The following QSOX1 variants were observed in gnomAD, a reference collection of about 807,000 sequenced individuals.
QSOX1 encodes the protein quiescin sulfhydryl oxidase 1, also known as sulfhydryl oxidase 1.
QSOX1 carries 40 observed loss-of-function variants against 76.1 expected under a neutral mutation model. The ratio of observed to expected loss-of-function variants is 0.53; its 90% CI spans 0.41 to 0.68. QSOX1 has a LOEUF of 0.68. Among genes scored for constraint, QSOX1 ranks in the 30% least tolerant of loss-of-function variants. The pLI is 0.00. For synonymous variants in QSOX1, 392 were observed against 413.1 expected, an observed-to-expected ratio of 0.95 and a Z score of 0.62; for missense variants, 931 against 974.3, an observed-to-expected ratio of 0.96 and a Z score of 0.59.
intron 1 of QSOX1, among the ~76,000 whole-genome samples, chr1:180,160,652 G>C (rs116049718): frequency 6.6e-6 from 1 of 152,280 alleles, no homozygotes; most frequent in African/African-American, 2.4e-5. Context: ...TGTAATCAAG[G>C]ATAAAGTGGA....
chr1:180,186,164 T>G lies in QSOX1; in HGVS notation c.999T>G (p.Phe333Leu), dbSNP rs770468962. ...EGQRLVALKK[F>L]VAVLAKYFPG... ...AGCGCCTGGTGGCCCTGAAAAAGTT[T>G]GTGGCAGTGCTGGCCAAGGTGAGCA... Residue 333 changes from phenylalanine (F) to leucine (L), a missense_variant, in exon 8 of 12, where the codon TTT (phenylalanine) becomes TTG (leucine). By Grantham distance (22) the Phe-to-Leu change is conservative (BLOSUM62 0). Transcript: ENST00000367602. 6.2e-7 allele frequency: 1 copy of G among 1,613,586 alleles called. No homozygotes were observed. Among genetic ancestry groups the G allele is most frequent in the African/African-American group, 1.3e-5 (1 of 74,930 alleles).
At position 180,196,456 on chromosome 1, in the gene QSOX1, G is replaced by A. The variant is rs1372325126; in HGVS notation, c.1663G>A (p.Val555Met). ...PAAGSAARRDVQNVAAAPELA... is the reference protein window; with the variant it reads ...PAAGSAARRDMQNVAAAPELA... Reference sequence around the variant, plus strand: ...AGCTGGGTCAGCTGCCCGGAGGGATGTGCAGAATGTGGCAGCCGCCCCAGA... The same window carrying A: ...AGCTGGGTCAGCTGCCCGGAGGGATATGCAGAATGTGGCAGCCGCCCCAGA... Residue 555 changes from valine (V) to methionine (M), a missense_variant, in exon 12 of 12, where the codon GTG (valine) becomes ATG (methionine). Physicochemically the swap from Val to Met is conservative, Grantham distance 21. Transcript: ENST00000367602. The surrounding 1 kb of genome is among the most constrained non-coding windows in gnomAD (Gnocchi z 4.1). 3.1e-6 allele frequency: 5 copies of A among 1,613,964 alleles called. No homozygotes were observed. The East Asian group carries it at 6.7e-5, about 22-fold the overall frequency.
rs1035407004 is a variant in QSOX1, at chr1:180,154,974, G to C, written c.67G>C (p.Ala23Pro). 5.3e-6 allele frequency: 8 copies of C among 1,505,828 alleles called. No individual in the cohort carries two copies. The Admixed American group carries it at 1.7e-4, about 31-fold the overall frequency. The allele number at this position is 1,505,828 out of a possible 1,614,324, so 93.3% of individuals were successfully genotyped here. Residue 23 changes from alanine to proline, a missense_variant, in exon 1 of 12, where the codon GCG (alanine) becomes CCG (proline). Physicochemically the swap from Ala to Pro is conservative, Grantham distance 27. Coordinates refer to ENST00000367602, the MANE Select transcript of QSOX1 (RefSeq NM_002826.5). The stretch of plus-strand genomic sequence containing the variant: ...GCTGCTGCTGCTGCTGTGGCTGCTC[G>C]CGGTTCCCGGCGCTAACGCGGCCCC... ...SLLLLLLWLL[A>P]VPGANAAPRS...
chr1:180,183,107 G>A (rs3767181), intron 6 of QSOX1, among the ~76,000 whole-genome samples: 9,707 of 152,186 alleles, frequency 0.064, 408 homozygotes, highest in East Asian at 0.16. Flanking sequence ...GGGGAGAGAA[G>A]GCATTGTCTC....
chr1:180,186,184 T>G lies in QSOX1; in HGVS notation c.1017+2T>G, dbSNP rs1572051359. On this transcript the variant is annotated splice_donor_variant, in intron 8 of 11. Coordinates refer to ENST00000367602, the MANE Select transcript of QSOX1 (RefSeq NM_002826.5). LOFTEE classifies it high-confidence loss of function. ...AAGTTTGTGGCAGTGCTGGCCAAGG[T>G]GAGCAGGGCCATGGCTTCCCTTGTC... 1 of 1,611,468 alleles carries G rather than the reference T, an allele frequency of 6.2e-7. No homozygotes were observed. The highest frequency in any genetic ancestry group is 8.5e-7 in the Non-Finnish European group (1 of 1,178,808).
chr1:180,159,962 A>T (rs1246457060), intron 1 of QSOX1, among the ~76,000 whole-genome samples: 2 of 152,214 alleles, frequency 1.3e-5, no homozygotes, highest in Admixed American at 6.5e-5. Flanking sequence ...TTCGGTCTTA[A>T]CACATCATTT....
Position 180,190,543 on chromosome 1 carries a change from G to A in QSOX1, c.1251G>A (p.Gln417=), listed in dbSNP as rs1233580881. ...TCCTCTTCCACTTCTTGACTGTGCA[G>A]GCAGCTCGGCAAAATGTAGACCACT... ...LWVLFHFLTV[Q]AARQNVDHSQ... The change falls in exon 10 of 12, where the codon CAG becomes CAA. Residue 417 remains glutamine, a synonymous_variant. Transcript: ENST00000367602. The A allele has an allele frequency of 1.2e-6, 2 of 1,614,162 alleles. No homozygotes were observed. Among genetic ancestry groups the A allele is most frequent in the Non-Finnish European group, 1.7e-6 (2 of 1,180,018 alleles).
intron 4 of QSOX1, among the ~76,000 whole-genome samples, chr1:180,177,973 C>T (rs755983889): frequency 5.3e-5 from 8 of 152,226 alleles, no homozygotes; most frequent in Non-Finnish European, 1.2e-4. Context: ...CTAAGGTCTC[C>T]TGAACCCAAG....
rs746900597 is a variant in QSOX1 at position 180,197,287 on chromosome 1, G to A, written c.*250G>A. ...GGGCAGCCCCGGGCAGTGGGCATAG[G>A]GCAGCTCAGTCCCTGGCCTCTTAGC... On this transcript the variant is annotated 3_prime_UTR_variant, in exon 12 of 12. Coordinates refer to ENST00000367602, the MANE Select transcript of QSOX1 (RefSeq NM_002826.5). The A allele has an allele frequency of 6.2e-7, 1 of 1,613,606 alleles. No individual in the cohort carries two copies. Among genetic ancestry groups the A allele is most frequent in the Non-Finnish European group, 8.5e-7 (1 of 1,179,984 alleles).
intron 2 of QSOX1, among the ~76,000 whole-genome samples, chr1:180,174,471 A>T (rs1207135833): frequency 6.6e-6 from 1 of 152,202 alleles, no homozygotes; most frequent in Non-Finnish European, 1.5e-5. Context: ...CCCTTCCTTG[A>T]CTGTGTCTGC....
intron 7 of QSOX1, 24 bp downstream of exon 7, chr1:180,184,074 C>T (rs764999019): frequency 9.3e-6 from 15 of 1,612,208 alleles, no homozygotes; most frequent in Admixed American, 1.7e-5. Context: ...TGGTTCTCCT[C>T]ACTTCTTCTC....
chr1:180,155,690 G>A (rs1328572918), intron 1 of QSOX1, among the ~76,000 whole-genome samples: 2 of 152,218 alleles, frequency 1.3e-5, no homozygotes, highest in African/African-American at 4.8e-5. Flanking sequence ...GGTTGACCAG[G>A]TGGTACATAG....
chr1:180,176,227 A>G (rs1372251317), intron 4 of QSOX1, among the ~76,000 whole-genome samples, 194 bp downstream of exon 4: 6 of 152,194 alleles, frequency 3.9e-5, no homozygotes, highest in Non-Finnish European at 8.8e-5. Context: ...TGGGCTTCCT[A>G]TCGCACAGGT....
At chr1:180,169,199 G>A (rs1390593337) in intron 2 of QSOX1, among the ~76,000 whole-genome samples, 1 of 152,252 alleles carries the variant, frequency 6.6e-6, no homozygotes, top group East Asian at 1.9e-4. Context: ...AGAGGGAGGG[G>A]CTGGTTGGCT....
intron 6 of QSOX1, 151 bp from the exon 7 acceptor site, chr1:180,183,765 G>T: frequency 1.1e-6 from 1 of 905,198 alleles, no homozygotes; most frequent in Non-Finnish European, 1.7e-6. Context: ...GCCGTCTTCT[G>T]GCCTCACAGA....
intron 5 of QSOX1, 32 bp downstream of exon 5, chr1:180,178,916 G>T (rs1662963649): frequency 6.3e-7 from 1 of 1,577,178 alleles, no homozygotes; most frequent in African/African-American, 1.3e-5. Flanking sequence ...TGCAATTCTT[G>T]GATAGCCATG....
chr1:180,193,977 G>A (rs1361515683), intron 10 of QSOX1, among the ~76,000 whole-genome samples: 1 of 152,164 alleles, frequency 6.6e-6, no homozygotes, highest in Non-Finnish European at 1.5e-5. Flanking sequence ...TTAGTGGCAG[G>A]GAAGGGGATC....
chr1:180,200,143 T>C lies in QSOX1; in HGVS notation c.*3106T>C, dbSNP rs1334726913. 6.6e-6 allele frequency: 1 copy of C among 152,232 alleles called. No individual in the cohort carries two copies. Among genetic ancestry groups the C allele is most frequent in the Admixed American group, 6.5e-5 (1 of 15,284 alleles). 9.4% of individuals were successfully genotyped at this position (152,232 alleles called of 1,614,324 possible). A position where few individuals can be genotyped will look rare whatever the true frequency, so the allele number is the denominator to read the frequency against. ...CTGGAATCTGACGTCTGGGTTTGAA[T>C]CCAGCTTCCAACACTCACTGGCTGT... is the stretch of plus-strand genomic sequence containing the variant. On this transcript the variant is annotated 3_prime_UTR_variant, in exon 12 of 12. Coordinates refer to ENST00000367602, the MANE Select transcript of QSOX1 (RefSeq NM_002826.5).
chr1:180,182,112 G>C, intron 5 of QSOX1, 62 bp from the exon 6 acceptor site: 1 of 1,592,352 alleles, frequency 6.3e-7, no homozygotes, highest in South Asian at 1.1e-5. Context: ...ACCGAGCTGG[G>C]ACCCAGCCCT....
Sources: gnomAD v4.1 joint callset for allele counts (sites outside exome capture counted in the v4.1 genomes callset) on GRCh38, gnomAD v4.1.1 for gene constraint, Gnocchi (gnomAD v3.1) non-coding constraint, MANE v1.5 for transcripts, NCBI Gene and HGNC (gene_info 2026-07-23, HGNC 2026-07-21) for gene names.